Variants in GRIP1 observed in about 807,000 individuals in gnomAD.
GRIP1 encodes glutamate receptor-interacting protein 1.
A neutral mutation model predicts 129.9 loss-of-function variants in GRIP1; 45 were observed. The ratio of observed to expected loss-of-function variants is 0.35; its 90% confidence interval spans 0.27 to 0.44. The LOEUF is 0.44. Among genes scored for constraint, GRIP1 ranks in the 20% least tolerant of loss-of-function variants. The pLI is 1.00. For missense variants in GRIP1, 1,196 were observed against 1,396.8 expected, an observed-to-expected ratio of 0.86 and a Z score of 2.29; for synonymous variants, 530 against 520.8, an observed-to-expected ratio of 1.02 and a Z score of -0.24.
chr12:67,051,883 AG>A lies in GRIP1; in HGVS notation c.58+17166del, dbSNP rs544890227. ...CAGGTTCTCTATACTGAAAGAAAAT[AG>A]TTTAGTATCTTTATTGTCTTGGTTT... On this transcript the variant is annotated intron_variant, in intron 1 of 1. Transcript: ENST00000643019. Among the ~76,000 whole-genome samples, 6 of 152,348 alleles carry A rather than the reference AG, an allele frequency of 3.9e-5. No homozygotes were observed. In the East Asian group the frequency reaches 1.2e-3, roughly 29 times the overall value.
intron 1 of GRIP1, among the ~76,000 whole-genome samples, chr12:66,815,820 A>ATTTCTTTCTTTCTTTTTCTTTCTTTC (rs1392043505): frequency 1.8e-4 from 21 of 118,620 alleles, no homozygotes; most frequent in African/African-American, 7.1e-4. Context: ...AAGATGAAAG[A>ATTTCTTTCTTTCTTTTTCTTTCTTTC]TTTCTTTCTT....
chr12:66,564,357 A>T (rs917504981), intron 2 of GRIP1, among the ~76,000 whole-genome samples: 1 of 140,558 alleles, frequency 7.1e-6, no homozygotes, highest in Non-Finnish European at 1.5e-5. Context: ...GTTCCCACCT[A>T]TGAGTGAGAA....
intron 1 of GRIP1, among the ~76,000 whole-genome samples, chr12:66,991,411 A>G (rs753897736): frequency 1.3e-5 from 2 of 152,262 alleles, no homozygotes; most frequent in Non-Finnish European, 2.9e-5. Context: ...TCAGGAGAAT[A>G]AGGCATTGCC....
At chr12:66,990,014 T>A (rs2042370491) in intron 1 of GRIP1, among the ~76,000 whole-genome samples, 1 of 152,248 alleles carries the variant, frequency 6.6e-6, no homozygotes, top group Non-Finnish European at 1.5e-5. Context: ...TTAATGCTAG[T>A]TCTAAGATTC....
At chr12:66,793,009 T>C (rs1197969602) in intron 1 of GRIP1, among the ~76,000 whole-genome samples, 1 of 152,198 alleles carries the variant, frequency 6.6e-6, no homozygotes, top group Non-Finnish European at 1.5e-5. Context: ...AAGAGGAGAA[T>C]ATGATTCATG....
intron 1 of GRIP1, among the ~76,000 whole-genome samples, chr12:66,694,038 C>G (rs201436026): frequency 6.6e-6 from 1 of 152,144 alleles, no homozygotes. Flanking sequence ...CCAGCCCAGA[C>G]GGTACTATTA....
intron 1 of GRIP1, among the ~76,000 whole-genome samples, chr12:67,014,271 A>G (rs1054583872): frequency 2.0e-5 from 3 of 152,218 alleles, no homozygotes; most frequent in Non-Finnish European, 4.4e-5. Context: ...CTACTCCAGC[A>G]TAACTATTAA....
At chr12:66,990,713 G>C (rs1267963452) in intron 1 of GRIP1, among the ~76,000 whole-genome samples, 1 of 152,180 alleles carries the variant, frequency 6.6e-6, no homozygotes. Flanking sequence ...CAAACTACTT[G>C]GCAGGGCGCG....
chr12:66,727,710 A>G (rs2036299409), intron 1 of GRIP1, among the ~76,000 whole-genome samples: 3 of 152,320 alleles, frequency 2.0e-5, no homozygotes, highest in African/African-American at 4.8e-5. Context: ...CTTTAAACAC[A>G]TAGCCTTTTG....
At chr12:66,589,022 G>A (rs2063750021) in intron 2 of GRIP1, among the ~76,000 whole-genome samples, 1 of 140,480 alleles carries the variant, frequency 7.1e-6, no homozygotes, top group East Asian at 2.0e-4. Context: ...ATAAATAAAA[G>A]AACTTCAGTT....
chr12:67,040,957 C>T (rs1010271315), intron 1 of GRIP1, among the ~76,000 whole-genome samples: 5 of 152,008 alleles, frequency 3.3e-5, no homozygotes, highest in Admixed American at 2.0e-4. Context: ...TGGGCCTCAC[C>T]CAATCAGTTA....
In GRIP1 at chr12:66,392,488, T is replaced by C. The variant is rs1238463162; in HGVS notation, c.2284A>G (p.Ser762Gly). ...CTAGAAATAGGGAACTTCTTGGGGC[T>C]CGATGCTGACTGGGCTTTATAGACA... The part of the protein sequence containing the change: ...KKQTDAQSAS[S>G]PKKFPISSHL... Residue 762 changes from serine to glycine, a missense_variant, in exon 19 of 25, where the codon AGC becomes GGC. Physicochemically the swap from Ser to Gly is moderately conservative, Grantham distance 56. Around this residue, in one of 5 missense-constraint regions of GRIP1, gnomAD observed 427 missense variants for 463.3 expected, o/e 0.92. Coordinates refer to ENST00000359742, the MANE Select transcript of GRIP1 (RefSeq NM_001366722.1). The C allele has an allele frequency of 6.2e-7, 1 of 1,613,928 alleles. No individual in the cohort carries two copies. Among genetic ancestry groups the C allele is most frequent in the Non-Finnish European group, 8.5e-7 (1 of 1,179,918 alleles).
chr12:66,844,360 AT>A (rs1370613336), intron 1 of GRIP1, among the ~76,000 whole-genome samples: 1 of 152,216 alleles, frequency 6.6e-6, no homozygotes, highest in African/African-American at 2.4e-5. Flanking sequence ...ATCACTACTT[AT>A]TAGGAATACG....
At chr12:66,478,642 T>C (rs1443610554) in intron 7 of GRIP1, among the ~76,000 whole-genome samples, 1 of 152,060 alleles carries the variant, frequency 6.6e-6, no homozygotes, top group Admixed American at 6.6e-5. Context: ...TGTCCAACAA[T>C]GATAGACTGG....
intron 1 of GRIP1, among the ~76,000 whole-genome samples, chr12:66,972,528 T>C (rs1249216464): frequency 6.6e-6 from 1 of 152,210 alleles, no homozygotes; most frequent in Non-Finnish European, 1.5e-5. Context: ...GAAAGCTGAA[T>C]TTTTTATTTT....
At position 66,929,652 on chromosome 12, in the gene GRIP1, CA is replaced by C. The variant is rs368463927; in HGVS notation, c.58+139397del. Among the ~76,000 whole-genome samples, 304 of 152,300 alleles carry C rather than the reference CA, an allele frequency of 2.0e-3. 1 individual carries two copies. The highest frequency in any genetic ancestry group is 7.0e-3 in the African/African-American group (291 of 41,562). On this transcript the variant is annotated intron_variant, in intron 1 of 1. Transcript: ENST00000643019. ...CTTTCCTCCTTCATATTTGCCTGCT[CA>C]AGTATTACCTGTTCTAAGCACAACT...
At chr12:67,006,698 A>ACT (rs1259201839) in intron 1 of GRIP1, among the ~76,000 whole-genome samples, 1 of 152,240 alleles carries the variant, frequency 6.6e-6, no homozygotes, top group Non-Finnish European at 1.5e-5. Flanking sequence ...GACAGAAGGG[A>ACT]GCAGGCTCCA....
At chr12:66,601,208 G>C (rs2064260863) in intron 1 of GRIP1, among the ~76,000 whole-genome samples, 1 of 152,132 alleles carries the variant, frequency 6.6e-6, no homozygotes, top group South Asian at 2.1e-4. Flanking sequence ...AACACTGGAG[G>C]GGCAAACACA....
At chr12:66,723,292 CTTTCTTTCTTTCTTTTTT>C (rs1565988032) in intron 1 of GRIP1, among the ~76,000 whole-genome samples, 343 of 28,264 alleles carry the variant, frequency 0.012, 6 homozygotes, top group South Asian at 0.04. Context: ...TCCTTTCTTT[CTTTCTTTCTTTCTTTTTT>C]TTTTTTTTTT....
Sources: allele counts gnomAD v4.1 joint callset (sites outside exome capture counted in the v4.1 genomes callset), GRCh38; gene constraint gnomAD v4.1.1; regional missense constraint gnomAD v4.1.1; transcripts MANE v1.5; gene names NCBI Gene and HGNC (gene_info 2026-07-23, HGNC 2026-07-21).